Variants in TMEM117 observed in about 807,000 individuals in gnomAD.
TMEM117 encodes transmembrane protein 117.
TMEM117 carries 27 observed loss-of-function variants against 52.4 expected under a neutral mutation model. That is an observed-to-expected ratio of 0.51 (90% CI 0.38 to 0.71). The LOEUF (loss-of-function observed/expected upper bound fraction) is 0.71. Among genes scored for constraint, TMEM117 ranks in the 30% least tolerant of loss-of-function variants. The pLI, the probability that TMEM117 is intolerant of heterozygous loss-of-function variation, is 0.00. For missense variants in TMEM117, 556 were observed against 630.5 expected (o/e 0.88, Z 1.26); for synonymous variants, 215 against 206.3 (o/e 1.04, Z -0.36).
intron 2 of TMEM117, among the ~76,000 whole-genome samples, chr12:43,852,726 G>A (rs544138202): frequency 1.3e-5 from 2 of 152,332 alleles, no homozygotes; most frequent in South Asian, 2.1e-4. Context: ...ATCTGAGGAT[G>A]GATTTTAGAA....
intron 3 of TMEM117, among the ~76,000 whole-genome samples, chr12:44,019,838 G>A (rs1482839788): frequency 1.3e-5 from 2 of 152,160 alleles, no homozygotes; most frequent in East Asian, 1.9e-4. Context: ...ATGAACGTGA[G>A]TAATGAATCC....
At chr12:43,881,204 G>A (rs1053432648) in intron 2 of TMEM117, among the ~76,000 whole-genome samples, 6 of 152,098 alleles carry the variant, frequency 3.9e-5, no homozygotes, top group African/African-American at 1.4e-4. Context: ...AACAAGGCTA[G>A]GATTTATTTT....
chr12:43,867,061 C>G (rs1443506017), intron 2 of TMEM117, among the ~76,000 whole-genome samples: 1 of 151,660 alleles, frequency 6.6e-6, no homozygotes, highest in Admixed American at 6.6e-5. Context: ...TGCACTCCAG[C>G]CTGGGCAACA....
intron 3 of TMEM117, among the ~76,000 whole-genome samples, chr12:44,077,970 G>A (rs1008307699): frequency 6.6e-6 from 1 of 151,888 alleles, no homozygotes; most frequent in Admixed American, 6.6e-5. Context: ...AAAAGAAGGA[G>A]GAAAAATACC....
chr12:43,947,102 G>A (rs749727053), intron 3 of TMEM117, among the ~76,000 whole-genome samples: 3 of 152,192 alleles, frequency 2.0e-5, no homozygotes, highest in Non-Finnish European at 2.9e-5. Context: ...GGGAGGCTGA[G>A]GCAGCAGGAT....
intron 3 of TMEM117, among the ~76,000 whole-genome samples, chr12:43,952,136 T>G (rs1352223447): frequency 1.3e-5 from 2 of 152,010 alleles, no homozygotes; most frequent in Non-Finnish European, 1.5e-5. Flanking sequence ...CATCCAAAGG[T>G]CATCAGCCTC....
intron 5 of TMEM117, among the ~76,000 whole-genome samples, chr12:44,284,796 G>T (rs1267452965): frequency 2.0e-5 from 3 of 149,128 alleles, no homozygotes; most frequent in African/African-American, 7.8e-5. Context: ...TAATGGCTTT[G>T]CATTCTACTA....
chr12:44,027,735 A>T (rs967166960), intron 3 of TMEM117, among the ~76,000 whole-genome samples: 1 of 152,198 alleles, frequency 6.6e-6, no homozygotes, highest in African/African-American at 2.4e-5. Flanking sequence ...AGGACTTTAG[A>T]ACTATCGTTT....
At chr12:44,118,168 T>C (rs1047945088) in intron 3 of TMEM117, among the ~76,000 whole-genome samples, 3 of 152,210 alleles carry the variant, frequency 2.0e-5, no homozygotes, top group African/African-American at 7.2e-5. Flanking sequence ...TTTTAAACTT[T>C]CATGGTTAAA....
intron 3 of TMEM117, among the ~76,000 whole-genome samples, chr12:44,041,238 TC>T (rs71435969): frequency 6.5e-5 from 6 of 91,680 alleles, no homozygotes; most frequent in African/African-American, 2.6e-4. Context: ...ATGCTATCCC[TC>T]CCCCCTCCCC....
rs185112984 is a variant in TMEM117, at chr12:43,955,197, G to A, written c.410+10855G>A. On this transcript the variant is annotated intron_variant, in intron 3 of 7. Transcript: ENST00000266534. ...AACATATCAATAACATACCGAATGG[G>A]CAAAAACTGGAGGCATTGCACTTGA... Among the ~76,000 whole-genome samples, 54 of 152,218 alleles carry A rather than the reference G, an allele frequency of 3.5e-4. 2 individuals carry two copies. The East Asian group carries it at 5.8e-3, about 16-fold the overall frequency.
chr12:43,883,667 T>C (rs1943937132), intron 2 of TMEM117, among the ~76,000 whole-genome samples: 1 of 152,088 alleles, frequency 6.6e-6, no homozygotes, highest in Non-Finnish European at 1.5e-5. Context: ...GCTTTAGTTA[T>C]GCATATTACC....
chr12:44,211,386 T>C lies in TMEM117; in HGVS notation c.607T>C (p.Trp203Arg). Residue 203 changes from tryptophan (W) to arginine (R), a missense_variant and splice_region_variant, in exon 5 of 8, where the codon TGG becomes CGG. Around this residue, in one of 3 missense-constraint regions of TMEM117, gnomAD observed 328 missense variants for 371.4 expected, o/e 0.88. Coordinates refer to ENST00000266534, the MANE Select transcript of TMEM117 (RefSeq NM_032256.3). Reference sequence around the variant, plus strand: ...AGGAAATGTTAGGATCACTTTATTCTGGTAGGAAATTGTTTCACTTATTTA... The same window carrying C: ...AGGAAATGTTAGGATCACTTTATTCCGGTAGGAAATTGTTTCACTTATTTA... ...KKGNVRITLF[W>R]TVLFTLTSVV... 1 of 1,597,074 alleles carries C rather than the reference T, an allele frequency of 6.3e-7. No individual in the cohort carries two copies. The highest frequency in any genetic ancestry group is 8.5e-7 in the Non-Finnish European group (1 of 1,169,932).
chr12:44,001,532 C>T (rs944584251), intron 3 of TMEM117, among the ~76,000 whole-genome samples: 7 of 152,114 alleles, frequency 4.6e-5, no homozygotes, highest in African/African-American at 1.2e-4. Context: ...TAAGAGGACA[C>T]TATGAAGTGA....
At chr12:44,196,769 C>A (rs777953263) in intron 4 of TMEM117, among the ~76,000 whole-genome samples, 13 of 152,278 alleles carry the variant, frequency 8.5e-5, no homozygotes, top group Middle Eastern at 3.4e-3. Context: ...ATAATTATAT[C>A]TGCTTTCAAG....
chr12:44,086,686 T>C (rs1336789205), intron 3 of TMEM117, among the ~76,000 whole-genome samples: 1 of 152,150 alleles, frequency 6.6e-6, no homozygotes, highest in East Asian at 1.9e-4. Flanking sequence ...AGATCAGAGA[T>C]TCAAATGGTC....
At position 43,912,389 on chromosome 12, in the gene TMEM117, C is replaced by G. The variant is rs1286686805; in HGVS notation, c.278-31821C>G. Among the ~76,000 whole-genome samples the G allele has an allele frequency of 3.3e-5, 5 of 151,540 alleles. No homozygotes were observed. The East Asian group carries it at 9.7e-4, about 30-fold the overall frequency. ...ACAGGGATAGCATTGGGAGATATAC[C>G]TAATGCTAGATGACGAGTTAGTGGG... On this transcript the variant is annotated intron_variant, in intron 2 of 7. Coordinates refer to ENST00000266534, the MANE Select transcript of TMEM117 (RefSeq NM_032256.3).
Position 44,184,182 on chromosome 12 carries a change from C to G in TMEM117, c.511-27108C>G, listed in dbSNP as rs537785084. 2.6e-3 allele frequency among the ~76,000 whole-genome samples: 390 copies of G among 152,090 alleles called. 3 individuals carry two copies. Among genetic ancestry groups the G allele is most frequent in the African/African-American group, 8.9e-3 (370 of 41,516 alleles). On this transcript the variant is annotated intron_variant, in intron 4 of 7. Coordinates refer to ENST00000266534, the MANE Select transcript of TMEM117 (RefSeq NM_032256.3). Reference sequence around the variant, plus strand: ...CTAACATGGCGAAATCCCGTCTCTACTAAAAATACAAAAATTAGCCCAGTG... The same window carrying G: ...CTAACATGGCGAAATCCCGTCTCTAGTAAAAATACAAAAATTAGCCCAGTG...
In TMEM117 at chr12:44,388,077, A is replaced by G. The variant is rs1353013680; in HGVS notation, c.950A>G (p.Asn317Ser). ...TTCCTCGTCTTGATTTTGGATCTTA[A>G]TATGTGGAAGAACCAAATATTTTAT... ...IIFLVLILDL[N>S]MWKNQIFYKP... Residue 317 changes from asparagine (N) to serine (S), a missense_variant, in exon 8 of 8, where the codon AAT (asparagine) becomes AGT (serine). By Grantham distance (46) the Asn-to-Ser change is conservative. Transcript: ENST00000266534. 1 of 1,612,484 alleles carries G rather than the reference A, an allele frequency of 6.2e-7. No homozygotes were observed. Among genetic ancestry groups the G allele is most frequent in the Non-Finnish European group, 8.5e-7 (1 of 1,179,260 alleles).
Sources: allele counts gnomAD v4.1 joint callset (sites outside exome capture counted in the v4.1 genomes callset), GRCh38; gene constraint gnomAD v4.1.1; regional missense constraint gnomAD v4.1.1; transcripts MANE v1.5; gene names NCBI Gene and HGNC (gene_info 2026-07-23, HGNC 2026-07-21).